The following KIF19 variants were observed in gnomAD, a reference collection of about 807,000 sequenced individuals.
KIF19 encodes the protein kinesin family member 19.
KIF19 carries 98 observed loss-of-function variants against 106.6 expected under a neutral mutation model. The ratio of observed to expected loss-of-function variants is 0.92; its 90% CI spans 0.78 to 1.09. The LOEUF is 1.09. Ranked by LOEUF, KIF19 falls within the 50% of genes least tolerant of loss-of-function variation. The pLI is 0.00. For missense variants in KIF19, 1,373 were observed against 1,414.3 expected (o/e 0.97, Z 0.47); for synonymous variants, 516 against 584.2 (o/e 0.88, Z 1.68).
intron 1 of KIF19, 90 bp downstream of exon 1, chr17:74,326,478 C>A: frequency 7.8e-7 from 1 of 1,287,888 alleles, no homozygotes; most frequent in East Asian, 2.5e-5. Flanking sequence ...CTCGCCGCCA[C>A]CCCACTGAGA....
intron 1 of KIF19, among the ~76,000 whole-genome samples, chr17:74,328,069 C>T (rs1333704442): frequency 6.6e-6 from 1 of 152,230 alleles, no homozygotes; most frequent in Non-Finnish European, 1.5e-5. Context: ...CCTTCCTCTG[C>T]AGCACGTCAT....
intron 5 of KIF19, among the ~76,000 whole-genome samples, chr17:74,343,588 A>T (rs1473871663): frequency 6.6e-6 from 1 of 152,226 alleles, no homozygotes; most frequent in African/African-American, 2.4e-5. Context: ...TGGGAGTGCT[A>T]TCACCAGACA....
intron 17 of KIF19, among the ~76,000 whole-genome samples, 172 bp downstream of exon 17, chr17:74,353,753 C>T (rs578094370): frequency 1.3e-5 from 2 of 152,198 alleles, no homozygotes; most frequent in African/African-American, 4.8e-5. Context: ...GTCAAGGACA[C>T]TTAAGAGTCT....
intron 17 of KIF19, among the ~76,000 whole-genome samples, chr17:74,353,804 G>A (rs376221196): frequency 2.0e-5 from 3 of 152,140 alleles, no homozygotes; most frequent in African/African-American, 4.8e-5. Context: ...GGGCAGAATC[G>A]GAAATTAGAA....
rs760787849 is a variant in KIF19 at position 74,352,866 on chromosome 17, C to G, written c.2026C>G (p.Pro676Ala). The G allele has an allele frequency of 5.6e-6, 9 of 1,614,002 alleles. No individual in the cohort carries two copies. The highest frequency in any genetic ancestry group is 5.9e-6 in the Non-Finnish European group (7 of 1,179,890). The change falls in exon 15 of 20, where the codon CCA becomes GCA. Residue 676 changes from proline (P) to alanine (A), a missense_variant. Transcript: ENST00000389916. ...TACCCCAGCAGGAACCTCACTGACC[C>G]CAGATTCTGACCTGGAGAGTGTGAA... ...KITPAGTSLTPDSDLESVKTL... is the reference protein window; with the variant it reads ...KITPAGTSLTADSDLESVKTL...
rs976443924 is a variant in KIF19, at chr17:74,331,281, C to T, written c.120+2776C>T. ...CTGGCCCGTCAAAGCTCTGTCCTTC[C>T]TCCTAAGGCCTGGAGGCACCATGGA... is the stretch of plus-strand genomic sequence containing the variant. On this transcript the variant is annotated intron_variant, in intron 2 of 19. Transcript: ENST00000389916. The surrounding 1 kb of genome is among the most constrained non-coding windows in gnomAD (Gnocchi z 4.1). Among the ~76,000 whole-genome samples, 1 of 152,140 alleles carries T rather than the reference C, an allele frequency of 6.6e-6. No individual in the cohort carries two copies. Among genetic ancestry groups the T allele is most frequent in the African/African-American group, 2.4e-5 (1 of 41,428 alleles).
chr17:74,349,156 C>A, intron 9 of KIF19, 28 bp from the exon 10 acceptor site: 8 of 1,612,842 alleles, frequency 5.0e-6, no homozygotes, highest in Non-Finnish European at 6.8e-6. Context: ...TGACTGCATC[C>A]CCTCCGCTCC....
intron 2 of KIF19, among the ~76,000 whole-genome samples, chr17:74,340,309 A>G (rs1421378080): frequency 6.6e-6 from 1 of 152,024 alleles, no homozygotes. Context: ...CATTGTCTCT[A>G]TCCCCTCCCA....
In KIF19 at chr17:74,354,421, G is replaced by A; in HGVS notation, c.2568G>A (p.Arg856=). The A allele has an allele frequency of 1.2e-6, 2 of 1,611,370 alleles. No individual in the cohort carries two copies. The highest frequency in any genetic ancestry group is 1.7e-6 in the Non-Finnish European group (2 of 1,179,358). The change falls in exon 18 of 20, where the codon CGG becomes CGA. Residue 856 remains arginine, a synonymous_variant. Transcript: ENST00000389916. The part of the protein sequence containing the change: ...LSSSTGEAPS[R]AVGHHGDGPR... ...GCAGCACGGGCGAGGCCCCGTCCCGGGCAGTCGGACATCATGGGGACGGCC... is the reference window on the plus strand; with the variant it reads ...GCAGCACGGGCGAGGCCCCGTCCCGAGCAGTCGGACATCATGGGGACGGCC...
At position 74,354,900 on chromosome 17, in the gene KIF19, T is replaced by A; in HGVS notation, c.2825T>A (p.Leu942Gln). Residue 942 changes from leucine (L) to glutamine (Q), a missense_variant, in exon 19 of 20, where the codon CTA becomes CAA. Transcript: ENST00000389916. ...ATCCGGCATCTGGGAAAGGTCACGC[T>A]ACCTTTGGCCAAAGTCAAACTCCCT... ...PGIRHLGKVT[L>Q]PLAKVKLPPS... 3.2e-6 allele frequency: 5 copies of A among 1,573,348 alleles called. No individual in the cohort carries two copies. Among genetic ancestry groups the A allele is most frequent in the Non-Finnish European group, 4.3e-6 (5 of 1,159,764 alleles).
In KIF19 at chr17:74,349,326, G is replaced by A. The variant is rs747877782; in HGVS notation, c.1190G>A (p.Arg397Gln). The A allele has an allele frequency of 2.2e-5, 35 of 1,605,686 alleles. No individual in the cohort carries two copies. The highest frequency in any genetic ancestry group is 3.3e-5 in the South Asian group (3 of 89,810). Residue 397 changes from arginine to glutamine, a missense_variant, in exon 10 of 20, where the codon CGG becomes CAG. This residue lies in a region of KIF19 where 1,020 missense variants were observed against 1,008.2 expected (regional missense o/e 1.01). Transcript: ENST00000389916. ...GRGQARGRQDRGDIRHIQAEV... is the reference protein window; with the variant it reads ...GRGQARGRQDQGDIRHIQAEV... ...GGCCAGGCCCGGGGCCGGCAGGATC[G>A]GGGTGACATCCGCCACATCCAAGGT...
At position 74,326,269 on chromosome 17, in the gene KIF19, G is replaced by A. The variant is rs865938562; in HGVS notation, c.-81G>A. 5.3e-5 allele frequency: 71 copies of A among 1,349,356 alleles called. 1 individual carries two copies. In the Middle Eastern group the frequency reaches 6.5e-3, roughly 124 times the overall value. 83.6% of individuals were successfully genotyped at this position (1,349,356 alleles called of 1,614,324 possible). A position where few individuals can be genotyped will look rare whatever the true frequency, so the allele number is the denominator to read the frequency against. Reference sequence around the variant, plus strand: ...CGAGGCGGCGGGCAGCTAGCAGCTGGCGGACGCGACCCGGAGGCGGTGGGG... The same window carrying A: ...CGAGGCGGCGGGCAGCTAGCAGCTGACGGACGCGACCCGGAGGCGGTGGGG... On this transcript the variant is annotated 5_prime_UTR_variant, in exon 1 of 20. Coordinates refer to ENST00000389916, the MANE Select transcript of KIF19 (RefSeq NM_153209.4).
chr17:74,326,812 G>C (rs1319816982), intron 1 of KIF19, among the ~76,000 whole-genome samples: 3 of 152,170 alleles, frequency 2.0e-5, no homozygotes, highest in Non-Finnish European at 4.4e-5. Context: ...AGGGATGTGG[G>C]GGTCACCAGT....
chr17:74,351,959 C>A lies in KIF19; in HGVS notation c.1680C>A (p.Arg560=). 1 of 1,507,176 alleles carries A rather than the reference C, an allele frequency of 6.6e-7. No homozygotes were observed. Among genetic ancestry groups the A allele is most frequent in the South Asian group, 1.2e-5 (1 of 80,946 alleles). The allele number at this position is 1,507,176 out of a possible 1,614,324, so 93.4% of individuals were successfully genotyped here. The part of the protein sequence containing the change: ...LPRRIGSEEQ[R]EVLSLLCRVH... ...GGCGCATCGGCTCCGAGGAGCAGCG[C>A]GAGGTGCTCAGCCTGCTGTGCCGCG... is the stretch of plus-strand genomic sequence containing the variant. Residue 560 remains arginine, a synonymous_variant, in exon 13 of 20, where the codon CGC becomes CGA. Coordinates refer to ENST00000389916, the MANE Select transcript of KIF19 (RefSeq NM_153209.4).
intron 2 of KIF19, among the ~76,000 whole-genome samples, chr17:74,341,601 C>T (rs181916585): frequency 2.0e-5 from 3 of 152,210 alleles, no homozygotes; most frequent in East Asian, 1.9e-4. Flanking sequence ...CAGATGATGG[C>T]GAGCCTGACC....
intron 2 of KIF19, among the ~76,000 whole-genome samples, chr17:74,329,912 G>A (rs770602168): frequency 3.3e-5 from 5 of 152,204 alleles, no homozygotes; most frequent in South Asian, 2.1e-4. Context: ...CAGGTCCCAC[G>A]GGCTGGACTC....
At position 74,352,292 on chromosome 17, in the gene KIF19, C is replaced by A; in HGVS notation, c.1932C>A (p.Ser644Arg). 6.2e-7 allele frequency: 1 copy of A among 1,612,314 alleles called. No homozygotes were observed. Residue 644 changes from serine (S) to arginine (R), a missense_variant, in exon 14 of 20, where the codon AGC (serine) becomes AGA (arginine). By Grantham distance (110) the Ser-to-Arg change is moderately radical. This residue lies in a region of KIF19 where 1,020 missense variants were observed against 1,008.2 expected (regional missense o/e 1.01). Coordinates refer to ENST00000389916, the MANE Select transcript of KIF19 (RefSeq NM_153209.4). ...ACCTGCGGGAGCTGGAGGAGGGCAGCCTGGAGCAGGCCACCATCATGGACC... is the reference window on the plus strand; with the variant it reads ...ACCTGCGGGAGCTGGAGGAGGGCAGACTGGAGCAGGCCACCATCATGGACC... ...EVYLRELEEG[S>R]LEQATIMDQV... is the part of the protein sequence containing the mutation.
At chr17:74,332,176 CTCAGTGTGTG>C (rs879721200) in intron 2 of KIF19, among the ~76,000 whole-genome samples, 3 of 111,482 alleles carry the variant, frequency 2.7e-5, no homozygotes, top group African/African-American at 5.9e-5. Flanking sequence ...AAATGAACAC[CTCAGTGTGTG>C]TGTGTGTGTG....
rs2144301112 is a variant in KIF19 at position 74,353,261 on chromosome 17, C to T, written c.2180C>T (p.Thr727Ile). The T allele has an allele frequency of 1.3e-6, 2 of 1,581,960 alleles. No homozygotes were observed. The highest frequency in any genetic ancestry group is 1.7e-6 in the Non-Finnish European group (2 of 1,164,640). ...AWQAKSSSVP[T>I]PPPIQLGSLV... ...CAGGCAAAAAGCTCCTCTGTGCCCACCCCACCTCCCATCCAGCTCGGCAGC... is the reference window on the plus strand; with the variant it reads ...CAGGCAAAAAGCTCCTCTGTGCCCATCCCACCTCCCATCCAGCTCGGCAGC... Residue 727 changes from threonine (T) to isoleucine (I), a missense_variant, in exon 16 of 20, where the codon ACC becomes ATC. Coordinates refer to ENST00000389916, the MANE Select transcript of KIF19 (RefSeq NM_153209.4).
Sources: gnomAD v4.1 joint callset for allele counts (sites outside exome capture counted in the v4.1 genomes callset) on GRCh38, gnomAD v4.1.1 for gene constraint, gnomAD v4.1.1 regional missense constraint, Gnocchi (gnomAD v3.1) non-coding constraint, MANE v1.5 for transcripts, NCBI Gene and HGNC (gene_info 2026-07-23, HGNC 2026-07-21) for gene names.